Variants in PITPNC1 observed in about 807,000 individuals in gnomAD.
The protein encoded by PITPNC1 is cytoplasmic phosphatidylinositol transfer protein 1.
In PITPNC1, 18 loss-of-function variants were observed where a neutral mutation model predicts 44.7. That is an observed-to-expected ratio of 0.40 (90% CI 0.28 to 0.60). The LOEUF (loss-of-function observed/expected upper bound fraction) is 0.60, where lower values mean the gene tolerates loss of function less well. Among genes scored for constraint, PITPNC1 ranks in the 20% least tolerant of loss-of-function variants. The probability of loss-of-function intolerance (pLI) is 0.39; values close to 1 mark genes in which losing one functional copy is unlikely to be tolerated. For missense variants in PITPNC1, 290 were observed against 418.4 expected (o/e 0.69, Z 2.68); for synonymous variants, 141 against 149.6 (o/e 0.94, Z 0.42).
intron 8 of PITPNC1, among the ~76,000 whole-genome samples, chr17:67,689,733 A>G (rs73997224): frequency 6.6e-6 from 1 of 152,214 alleles, no homozygotes; most frequent in African/African-American, 2.4e-5. Flanking sequence ...TCTGTGCTTT[A>G]GATTATTTCT....
chr17:67,634,058 A>G (rs1440534210), intron 6 of PITPNC1, among the ~76,000 whole-genome samples: 1 of 152,152 alleles, frequency 6.6e-6, no homozygotes, highest in Non-Finnish European at 1.5e-5. Flanking sequence ...CTGTGCCCCC[A>G]AAGAACCTCC....
intron 4 of PITPNC1, among the ~76,000 whole-genome samples, chr17:67,573,760 A>G (rs1410879813): frequency 2.6e-5 from 4 of 151,816 alleles, no homozygotes; most frequent in Non-Finnish European, 5.9e-5. Flanking sequence ...TGGGGGTCTC[A>G]CCATTGGCCA....
chr17:67,501,416 C>T (rs757766854), intron 1 of PITPNC1, among the ~76,000 whole-genome samples: 6 of 152,204 alleles, frequency 3.9e-5, no homozygotes, highest in Non-Finnish European at 5.9e-5. Flanking sequence ...CTGTCTCCTT[C>T]GCTGCCTTGT....
At chr17:67,593,971 A>T (rs2099375) in intron 5 of PITPNC1, among the ~76,000 whole-genome samples, 54,773 of 152,046 alleles carry the variant, frequency 0.36, 10,767 homozygotes, top group African/African-American at 0.52. Flanking sequence ...AGTCCAGTGG[A>T]TGGTGCCTTG....
intron 1 of PITPNC1, among the ~76,000 whole-genome samples, chr17:67,389,618 G>A (rs560158505): frequency 6.6e-6 from 1 of 152,284 alleles, no homozygotes; most frequent in African/African-American, 2.4e-5. Flanking sequence ...AGTGTATTAA[G>A]AACCATTGAA....
At chr17:67,619,586 G>T (rs1292116323) in intron 5 of PITPNC1, among the ~76,000 whole-genome samples, 31 of 152,110 alleles carry the variant, frequency 2.0e-4, no homozygotes, top group Admixed American at 2.0e-3. Context: ...CTCGCTTACT[G>T]CCGGGGATCC....
chr17:67,396,724 G>A lies in PITPNC1; in HGVS notation c.48+18522G>A, dbSNP rs571979098. On this transcript the variant is annotated intron_variant, in intron 1 of 8. Coordinates refer to ENST00000581322, the MANE Select transcript of PITPNC1 (RefSeq NM_012417.4). Reference sequence around the variant, plus strand: ...CTGTTGCCCAGACTGGAGTGCAGTGGTGCAATCACTGCTCGCTGCAGCCTT... The same window carrying A: ...CTGTTGCCCAGACTGGAGTGCAGTGATGCAATCACTGCTCGCTGCAGCCTT... Among the ~76,000 whole-genome samples, 7 of 152,030 alleles carry A rather than the reference G, an allele frequency of 4.6e-5. No individual in the cohort carries two copies. The East Asian group carries it at 1.2e-3, about 25-fold the overall frequency.
intron 1 of PITPNC1, among the ~76,000 whole-genome samples, chr17:67,386,585 A>C (rs1365347643): frequency 1.3e-5 from 2 of 152,218 alleles, no homozygotes; most frequent in African/African-American, 4.8e-5. Context: ...GTGGGGAATC[A>C]CAACGTTTTG....
At chr17:67,472,601 T>G (rs1296962970) in intron 1 of PITPNC1, among the ~76,000 whole-genome samples, 1 of 149,554 alleles carries the variant, frequency 6.7e-6, no homozygotes, top group African/African-American at 2.5e-5. Context: ...AAGCCGAGAT[T>G]GCACCACTGC....
At chr17:67,446,094 G>A (rs1051292233) in intron 1 of PITPNC1, among the ~76,000 whole-genome samples, 1 of 151,964 alleles carries the variant, frequency 6.6e-6, no homozygotes, top group Non-Finnish European at 1.5e-5. Flanking sequence ...TTACAGGCGT[G>A]CGCCACCATG....
At chr17:67,542,073 C>A (rs1039809778) in intron 2 of PITPNC1, among the ~76,000 whole-genome samples, 1 of 152,194 alleles carries the variant, frequency 6.6e-6, no homozygotes, top group Admixed American at 6.5e-5. Flanking sequence ...TCCTTTTCAA[C>A]CCTAACTTTC....
intron 1 of PITPNC1, among the ~76,000 whole-genome samples, chr17:67,466,199 G>C (rs991845289): frequency 1.5e-5 from 2 of 135,918 alleles, no homozygotes; most frequent in Admixed American, 7.2e-5. Flanking sequence ...TGGTGGGGTG[G>C]GGGGGTGGGG....
At position 67,495,040 on chromosome 17, in the gene PITPNC1, GTTTTTTTTT is replaced by G. The variant is rs879366971; in HGVS notation, c.49-37759_49-37751del. Among the ~76,000 whole-genome samples the G allele has an allele frequency of 1.4e-4, 9 of 64,704 alleles. No homozygotes were observed. In the South Asian group the frequency reaches 2.5e-3, roughly 18 times the overall value. The allele number at this position is 64,704 out of a possible 152,430, so 42.4% of individuals were successfully genotyped here. On this transcript the variant is annotated intron_variant, in intron 1 of 8. Coordinates refer to ENST00000581322, the MANE Select transcript of PITPNC1 (RefSeq NM_012417.4). ...TTTGGCAATATTGAGCCATGGAGTT[GTTTTTTTTT>G]TTGTTTTTTTTTTTTTTTTTTTTTT...
chr17:67,408,713 CCTTCCTTCCTTCCTTCCTTT>C (rs1231998620), intron 1 of PITPNC1: 1 of 118,864 alleles, frequency 8.4e-6, no homozygotes, highest in East Asian at 2.4e-4. Flanking sequence ...TTCCTTCCTT[CCTTCCTTCCTTCCTTCCTTT>C]CTTTCTTTCT....
At chr17:67,509,015 C>A (rs376274558) in intron 1 of PITPNC1, among the ~76,000 whole-genome samples, 2 of 151,532 alleles carry the variant, frequency 1.3e-5, no homozygotes, top group African/African-American at 2.4e-5. Flanking sequence ...GGGTGGATCA[C>A]ATGAGGTCAG....
chr17:67,576,439 A>G (rs1262269504), intron 4 of PITPNC1, among the ~76,000 whole-genome samples: 3 of 152,180 alleles, frequency 2.0e-5, no homozygotes, highest in African/African-American at 7.2e-5. Flanking sequence ...AGTGTCTGGT[A>G]TAGACAGTAT....
intron 7 of PITPNC1, among the ~76,000 whole-genome samples, chr17:67,671,735 G>A (rs1372267458): frequency 6.6e-6 from 1 of 152,126 alleles, no homozygotes; most frequent in African/African-American, 2.4e-5. Context: ...TCAAGCTCCA[G>A]GATCTCCTGT....
At chr17:67,660,068 G>A (rs1297721657) in intron 6 of PITPNC1, among the ~76,000 whole-genome samples, 2 of 152,082 alleles carry the variant, frequency 1.3e-5, no homozygotes, top group Non-Finnish European at 2.9e-5. Context: ...TTATAGTAGA[G>A]ACAGGGTTTT....
intron 4 of PITPNC1, 77 bp from the exon 5 acceptor site, chr17:67,578,109 A>G: frequency 3.1e-6 from 3 of 954,402 alleles, no homozygotes; most frequent in South Asian, 2.7e-5. Flanking sequence ...ATGGCCAGGA[A>G]AGTATTCAGA....
Sources: allele counts gnomAD v4.1 joint callset (sites outside exome capture counted in the v4.1 genomes callset), GRCh38; gene constraint gnomAD v4.1.1; transcripts MANE v1.5; gene names NCBI Gene and HGNC (gene_info 2026-07-23, HGNC 2026-07-21).